The following ARNT2 variants were observed in gnomAD, a reference collection of about 807,000 sequenced individuals.
ARNT2 encodes the protein ARNT protein 2.
In ARNT2, 36 loss-of-function variants were observed where a neutral mutation model predicts 91.7. That is an observed-to-expected ratio of 0.39 (90% CI 0.30 to 0.52). The LOEUF is 0.52. Among genes scored for constraint, ARNT2 ranks in the 20% least tolerant of loss-of-function variants. The pLI is 0.72. For missense variants in ARNT2, 775 were observed against 939.3 expected (o/e 0.83, Z 2.29); for synonymous variants, 365 against 347.1 (o/e 1.05, Z -0.57).
rs776731995 is a variant in ARNT2 at position 80,535,362 on chromosome 15, C to T, written c.878-15837C>T. On this transcript the variant is annotated intron_variant, in intron 8 of 18. Coordinates refer to ENST00000303329, the MANE Select transcript of ARNT2 (RefSeq NM_014862.4). ...AGGCCTCTTAAACAAAAATGGAGTC[C>T]GTTATGTTCATTATTTTGCTGTTTC... is the stretch of plus-strand genomic sequence containing the variant. 2.0e-4 allele frequency among the ~76,000 whole-genome samples: 30 copies of T among 152,226 alleles called. 2 individuals carry two copies. Among genetic ancestry groups the T allele is most frequent in the East Asian group, 1.9e-3 (10 of 5,186 alleles).
intron 3 of ARNT2, among the ~76,000 whole-genome samples, chr15:80,463,911 G>A (rs1396476991): frequency 6.6e-6 from 1 of 152,142 alleles, no homozygotes; most frequent in Non-Finnish European, 1.5e-5. Context: ...CTCACATGAT[G>A]GACCTGCACC....
In ARNT2 at chr15:80,596,876, G is replaced by C. The variant is rs1380509205; in HGVS notation, c.*3178G>C. On this transcript the variant is annotated 3_prime_UTR_variant, in exon 19 of 19. Transcript: ENST00000303329. Reference sequence around the variant, plus strand: ...CAGGACTGGGTCAGTGATGGCAACAGGATGGCCAAGGATGGCTCTAGAACA... The same window carrying C: ...CAGGACTGGGTCAGTGATGGCAACACGATGGCCAAGGATGGCTCTAGAACA... The C allele has an allele frequency of 6.1e-6, 2 of 328,588 alleles. No homozygotes were observed. The highest frequency in any genetic ancestry group is 2.5e-5 in the South Asian group (1 of 40,230). 20.4% of individuals were successfully genotyped at this position (328,588 alleles called of 1,614,324 possible). A position where few individuals can be genotyped will look rare whatever the true frequency, so the allele number is the denominator to read the frequency against.
chr15:80,505,924 GTTGTT>G (rs1780871203), intron 5 of ARNT2, among the ~76,000 whole-genome samples: 1 of 71,188 alleles, frequency 1.4e-5, no homozygotes, highest in African/African-American at 6.6e-5. Context: ...CCCAACATTT[GTTGTT>G]TTTTTTTTTT....
chr15:80,490,146 T>A (rs1897034701), intron 5 of ARNT2, among the ~76,000 whole-genome samples: 1 of 151,966 alleles, frequency 6.6e-6, no homozygotes, highest in Non-Finnish European at 1.5e-5. Context: ...TCAGGACAGG[T>A]CAGAAGAGAA....
At chr15:80,564,300 C>T (rs1370034422) in intron 12 of ARNT2, among the ~76,000 whole-genome samples, 4 of 152,278 alleles carry the variant, frequency 2.6e-5, no homozygotes, top group Non-Finnish European at 4.4e-5. Flanking sequence ...AGCCTCCAGG[C>T]GGTCACCACA....
At chr15:80,439,446 T>C (rs918624446) in intron 1 of ARNT2, among the ~76,000 whole-genome samples, 3 of 152,206 alleles carry the variant, frequency 2.0e-5, no homozygotes, top group African/African-American at 7.2e-5. Flanking sequence ...TTTGGGCAAA[T>C]AGTGTAGCTG....
chr15:80,449,494 C>CT, intron 1 of ARNT2, among the ~76,000 whole-genome samples: 1 of 152,018 alleles, frequency 6.6e-6, no homozygotes, highest in Middle Eastern at 3.4e-3. Context: ...GAGAGAATTA[C>CT]TTTAAGAGGA....
rs531741463 is a variant in ARNT2, at chr15:80,504,344, T to C, written c.623-3812T>C. Among the ~76,000 whole-genome samples, 4 of 152,350 alleles carry C rather than the reference T, an allele frequency of 2.6e-5. No homozygotes were observed. The South Asian group carries it at 8.3e-4, about 32-fold the overall frequency. ...TTTGTTGTTGTTGTCCGCTCTCTCA[T>C]CCTCTAGGATATAATGGCCTTTGCC... is the stretch of plus-strand genomic sequence containing the variant. On this transcript the variant is annotated intron_variant, in intron 5 of 18. Transcript: ENST00000303329.
rs1201231196 is a variant in ARNT2 at position 80,428,669 on chromosome 15, T to C, written c.32-22211T>C. ...GTTTTTGGAGCAGACTTTTTCAATT[T>C]AAAAGGAGTGAATTCTGTCCTCTTC... On this transcript the variant is annotated intron_variant, in intron 1 of 18. Coordinates refer to ENST00000303329, the MANE Select transcript of ARNT2 (RefSeq NM_014862.4). 2.0e-5 allele frequency among the ~76,000 whole-genome samples: 3 copies of C among 152,200 alleles called. No homozygotes were observed. In the East Asian group the frequency reaches 5.8e-4, roughly 29 times the overall value.
At chr15:80,453,233 T>C (rs930406414) in intron 2 of ARNT2, among the ~76,000 whole-genome samples, 9 of 152,214 alleles carry the variant, frequency 5.9e-5, no homozygotes, top group African/African-American at 2.4e-5. Context: ...AGAAAAGCAA[T>C]GAGAGAGGAA....
At chr15:80,492,205 T>G (rs1353506934) in intron 5 of ARNT2, among the ~76,000 whole-genome samples, 1 of 152,172 alleles carries the variant, frequency 6.6e-6, no homozygotes, top group African/African-American at 2.4e-5. Flanking sequence ...CACGTCTGGC[T>G]AATTTTTTTA....
In ARNT2 at chr15:80,505,927, G is replaced by GTTTTTTTTTTTTTT. The variant is rs1161520898; in HGVS notation, c.623-2222_623-2209dup. 7.1e-3 allele frequency among the ~76,000 whole-genome samples: 628 copies of GTTTTTTTTTTTTTT among 88,896 alleles called. 67 individuals are homozygous for GTTTTTTTTTTTTTT. The highest frequency in any genetic ancestry group is 8.8e-3 in the Non-Finnish European group (410 of 46,342). 58.3% of individuals were successfully genotyped at this position (88,896 alleles called of 152,430 possible). ...GAAAAAATGATTCCCAACATTTGTT[G>GTTTTTTTTTTTTTT]TTTTTTTTTTTTTTTTTTTTGAGAC... is the stretch of plus-strand genomic sequence containing the variant. On this transcript the variant is annotated intron_variant, in intron 5 of 18. Transcript: ENST00000303329.
chr15:80,510,992 G>A (rs1218579353), intron 6 of ARNT2, among the ~76,000 whole-genome samples: 1 of 152,134 alleles, frequency 6.6e-6, no homozygotes, highest in Admixed American at 6.5e-5. Context: ...CCTAAAAAGA[G>A]AAGTACCATT....
chr15:80,443,077 G>C (rs1896219613), intron 1 of ARNT2: 3 of 966,250 alleles, frequency 3.1e-6, no homozygotes, highest in Non-Finnish European at 3.7e-6. Flanking sequence ...GTAGGGGAGG[G>C]GTTGTTCAGA....
At chr15:80,484,815 G>A (rs2141406379) in intron 5 of ARNT2, among the ~76,000 whole-genome samples, 1 of 152,334 alleles carries the variant, frequency 6.6e-6, no homozygotes, top group East Asian at 1.9e-4. Context: ...GGTGGGGATG[G>A]GGGGCGGTGC....
At chr15:80,412,198 C>CA (rs1895689611) in intron 1 of ARNT2, among the ~76,000 whole-genome samples, 1 of 152,162 alleles carries the variant, frequency 6.6e-6, no homozygotes, top group Admixed American at 6.5e-5. Flanking sequence ...GGGAAATCTA[C>CA]AAAAATGCCA....
chr15:80,427,201 C>A (rs1405971731), intron 1 of ARNT2, among the ~76,000 whole-genome samples: 1 of 152,144 alleles, frequency 6.6e-6, no homozygotes, highest in Non-Finnish European at 1.5e-5. Context: ...AGACAGACAT[C>A]AAGAAGGGCA....
At chr15:80,567,269 G>A (rs1898502324) in intron 12 of ARNT2, among the ~76,000 whole-genome samples, 1 of 150,778 alleles carries the variant, frequency 6.6e-6, no homozygotes. Context: ...AGGGAGAGGA[G>A]GAGGAAAACA....
intron 1 of ARNT2, among the ~76,000 whole-genome samples, chr15:80,430,321 C>T (rs1895990593): frequency 6.6e-6 from 1 of 152,212 alleles, no homozygotes; most frequent in South Asian, 2.1e-4. Flanking sequence ...GTTCTCCACA[C>T]CCGGCTGGCC....
Sources: gnomAD v4.1 joint callset for allele counts (sites outside exome capture counted in the v4.1 genomes callset) on GRCh38, gnomAD v4.1.1 for gene constraint, MANE v1.5 for transcripts, NCBI Gene and HGNC (gene_info 2026-07-23, HGNC 2026-07-21) for gene names.